Variants in ARPP21 observed in about 807,000 individuals in gnomAD.
ARPP21 encodes cAMP-regulated phosphoprotein 21.
In ARPP21, 69 loss-of-function variants were observed where a neutral mutation model predicts 113.2. The ratio of observed to expected loss-of-function variants is 0.61; its 90% CI spans 0.50 to 0.74. The LOEUF (loss-of-function observed/expected upper bound fraction) is 0.74, where lower values mean the gene tolerates loss of function less well. ARPP21 is among the 30% of genes least tolerant of loss of function. ARPP21 has a pLI of 0.00. For missense variants in ARPP21, 1,070 were observed against 1,037.4 expected, an observed-to-expected ratio of 1.03 and a Z score of -0.43; for synonymous variants, 368 against 375.5, an observed-to-expected ratio of 0.98 and a Z score of 0.23.
At position 35,667,861 on chromosome 3, in the gene ARPP21, A is replaced by T. The variant is rs1003711716; in HGVS notation, c.-212-11926A>T. ...TTCTCAAAGAAGAAGAAGAAGAAGA[A>T]GAAGAAGAAGAAGAAGAAGAAGAAG... On this transcript the variant is annotated intron_variant, in intron 1 of 20. Transcript: ENST00000684406. Among the ~76,000 whole-genome samples the T allele has an allele frequency of 1.0e-3, 129 of 126,710 alleles. 5 individuals carry two copies. Among genetic ancestry groups the T allele is most frequent in the African/African-American group, 3.9e-3 (106 of 26,960 alleles). The allele number at this position is 126,710 out of a possible 152,430, so 83.1% of individuals were successfully genotyped here.
chr3:35,787,029 C>T (rs997972907), intron 19 of ARPP21, among the ~76,000 whole-genome samples: 2 of 152,014 alleles, frequency 1.3e-5, no homozygotes, highest in Non-Finnish European at 2.9e-5. Flanking sequence ...AGGTGATGTG[C>T]CCCAGTAATG....
chr3:35,731,533 G>A (rs2093966135), intron 15 of ARPP21, among the ~76,000 whole-genome samples: 1 of 151,998 alleles, frequency 6.6e-6, no homozygotes, highest in Non-Finnish European at 1.5e-5. Flanking sequence ...GGTGAATTAT[G>A]TTTCTTCTTT....
chr3:35,792,430 G>A lies in ARPP21; in HGVS notation c.2186G>A (p.Gly729Glu), dbSNP rs1344417614. 1.9e-6 allele frequency: 3 copies of A among 1,613,962 alleles called. No homozygotes were observed. Among genetic ancestry groups the A allele is most frequent in the Non-Finnish European group, 2.5e-6 (3 of 1,179,840 alleles). Residue 729 changes from glycine to glutamate, a missense_variant, in exon 20 of 21, where the codon GGA (glycine) becomes GAA (glutamate). Physicochemically the swap from Gly to Glu is moderately conservative, Grantham distance 98 (BLOSUM62 -2). Coordinates refer to ENST00000684406, the MANE Select transcript of ARPP21 (RefSeq NM_001385562.1). Reference protein sequence around the residue: ...SGQQGFQGLIGVQQPPQSQNV... With the variant: ...SGQQGFQGLIEVQQPPQSQNV... ...CAACAGGGATTCCAAGGCCTAATAG[G>A]AGTGCAGCAGCCACCTCAGAGTCAG...
chr3:35,658,843 G>C (rs545991214), intron 1 of ARPP21, among the ~76,000 whole-genome samples: 1 of 152,190 alleles, frequency 6.6e-6, no homozygotes, highest in African/African-American at 2.4e-5. Context: ...CTCACAGTGT[G>C]AGTAGTGAGA....
chr3:35,791,064 G>A (rs879308535), intron 19 of ARPP21, among the ~76,000 whole-genome samples: 6 of 152,146 alleles, frequency 3.9e-5, no homozygotes, highest in Non-Finnish European at 5.9e-5. Context: ...TCCTAATTCA[G>A]TGACTATTTG....
intron 6 of ARPP21, among the ~76,000 whole-genome samples, chr3:35,688,946 A>G (rs1190838545): frequency 6.7e-6 from 1 of 149,756 alleles, no homozygotes; most frequent in Non-Finnish European, 1.5e-5. Context: ...AACTCTTGAG[A>G]GCTCTCTCTG....
intron 16 of ARPP21, 143 bp from the exon 17 acceptor site, chr3:35,738,071 A>C (rs1487713997): frequency 1.7e-6 from 1 of 585,990 alleles, no homozygotes. Flanking sequence ...GGTCTTTCAG[A>C]GCCTTGACTT....
At position 35,770,932 on chromosome 3, in the gene ARPP21, T is replaced by C. The variant is rs1271533175; in HGVS notation, c.2138-21450T>C. Among the ~76,000 whole-genome samples, 4 of 152,150 alleles carry C rather than the reference T, an allele frequency of 2.6e-5. No individual in the cohort carries two copies. In the South Asian group the frequency reaches 6.2e-4, roughly 24 times the overall value. On this transcript the variant is annotated intron_variant, in intron 19 of 20. Coordinates refer to ENST00000684406, the MANE Select transcript of ARPP21 (RefSeq NM_001385562.1). ...TAAGGAGGATCCAGGATTTTCAAAGTAAAGCAGGACAATACTCATCAATAT... is the reference window on the plus strand; with the variant it reads ...TAAGGAGGATCCAGGATTTTCAAAGCAAAGCAGGACAATACTCATCAATAT...
intron 1 of ARPP21, among the ~76,000 whole-genome samples, chr3:35,667,962 AGAAGAAGAAG>A (rs2075097145): frequency 5.9e-5 from 5 of 84,162 alleles, no homozygotes; most frequent in African/African-American, 1.9e-4. Context: ...AAGAAGAAGA[AGAAGAAGAAG>A]AAGAAGAAGA....
chr3:35,678,959 G>T (rs143212101), intron 1 of ARPP21: 3 of 151,988 alleles, frequency 2.0e-5, no homozygotes, highest in Non-Finnish European at 4.4e-5. Flanking sequence ...TTAGGAGCCC[G>T]TCTCTGTGTT....
rs577353067 is a variant in ARPP21, at chr3:35,744,077, C to T, written c.2137+112C>T. 69 of 1,149,020 alleles carry T rather than the reference C, an allele frequency of 6.0e-5. No homozygotes were observed. In the African/African-American group the frequency reaches 9.9e-4, roughly 16 times the overall value. 71.2% of individuals were successfully genotyped at this position (1,149,020 alleles called of 1,614,324 possible). A position where few individuals can be genotyped will look rare whatever the true frequency, so the allele number is the denominator to read the frequency against. On this transcript the variant is annotated intron_variant, in intron 19 of 20. Coordinates refer to ENST00000684406, the MANE Select transcript of ARPP21 (RefSeq NM_001385562.1). Reference sequence around the variant, plus strand: ...GGCAATTTAAACCAGCACATTTTCTCTACCCAGAGAAGATAACAAAGCATT... The same window carrying T: ...GGCAATTTAAACCAGCACATTTTCTTTACCCAGAGAAGATAACAAAGCATT...
chr3:35,789,240 C>T (rs186404710), intron 19 of ARPP21, among the ~76,000 whole-genome samples: 2 of 152,206 alleles, frequency 1.3e-5, no homozygotes, highest in South Asian at 2.1e-4. Context: ...TCTCTGCCTT[C>T]GGGTGTGTTG....
intron 19 of ARPP21, among the ~76,000 whole-genome samples, chr3:35,744,724 A>G (rs1179755870): frequency 6.6e-6 from 1 of 152,196 alleles, no homozygotes; most frequent in African/African-American, 2.4e-5. Context: ...GCCTTCTGTA[A>G]GTAGGTCATG....
intron 1 of ARPP21, among the ~76,000 whole-genome samples, chr3:35,660,438 C>T (rs1039358324): frequency 1.3e-5 from 2 of 152,134 alleles, no homozygotes; most frequent in African/African-American, 2.4e-5. Context: ...CCCCCTTATC[C>T]GCACATACAC....
At chr3:35,658,897 G>A (rs1706309378) in intron 1 of ARPP21, among the ~76,000 whole-genome samples, 1 of 152,044 alleles carries the variant, frequency 6.6e-6, no homozygotes, top group Admixed American at 6.6e-5. Flanking sequence ...AGAGCAATTA[G>A]CAGCTTCATG....
chr3:35,713,090 T>G (rs182694719), intron 11 of ARPP21, among the ~76,000 whole-genome samples: 7 of 152,262 alleles, frequency 4.6e-5, no homozygotes, highest in Admixed American at 2.0e-4. Context: ...GGGAGAGAAC[T>G]CTATAACCCA....
chr3:35,784,607 G>C (rs1416544674), intron 19 of ARPP21, among the ~76,000 whole-genome samples: 1 of 152,016 alleles, frequency 6.6e-6, no homozygotes, highest in African/African-American at 2.4e-5. Context: ...CCTTGCCTTA[G>C]TTCCTGTCTT....
intron 9 of ARPP21, among the ~76,000 whole-genome samples, chr3:35,693,137 C>T (rs1387980017): frequency 6.6e-6 from 1 of 151,538 alleles, no homozygotes; most frequent in East Asian, 1.9e-4. Flanking sequence ...AGAACACCCT[C>T]TCGAAGGTAC....
chr3:35,722,288 G>A (rs190836059), intron 14 of ARPP21, among the ~76,000 whole-genome samples: 23 of 152,210 alleles, frequency 1.5e-4, no homozygotes, highest in South Asian at 6.2e-4. Context: ...AAAACACGCC[G>A]TAGGATAATT....
Sources: gnomAD v4.1 joint callset for allele counts (sites outside exome capture counted in the v4.1 genomes callset) on GRCh38, gnomAD v4.1.1 for gene constraint, MANE v1.5 for transcripts, NCBI Gene and HGNC (gene_info 2026-07-23, HGNC 2026-07-21) for gene names.